Variants in RNF126 observed in about 807,000 individuals in gnomAD.
RNF126 encodes the protein E3 ubiquitin-protein ligase RNF126.
RNF126 carries 20 observed loss-of-function variants against 41.9 expected under a neutral mutation model. That is an observed-to-expected ratio of 0.48 (90% CI 0.34 to 0.69). The LOEUF is 0.69. Among genes scored for constraint, RNF126 ranks in the 30% least tolerant of loss-of-function variants. The pLI, the probability that RNF126 is intolerant of heterozygous loss-of-function variation, is 0.01. For missense variants in RNF126, 433 were observed against 460.6 expected (o/e 0.94, Z 0.55); for synonymous variants, 239 against 202.9 (o/e 1.18, Z -1.51).
intron 1 of RNF126, 100 bp from the exon 2 acceptor site, chr19:652,984 G>A (rs2030395370): frequency 8.7e-7 from 1 of 1,151,468 alleles, no homozygotes; most frequent in South Asian, 1.3e-5. Context: ...AGCGGTCTCT[G>A]GCTGGCCAGG....
intron 1 of RNF126, among the ~76,000 whole-genome samples, chr19:655,435 G>A (rs533931610): frequency 2.0e-4 from 31 of 151,644 alleles, no homozygotes; most frequent in Admixed American, 7.2e-4. Flanking sequence ...GCAGTGAGCC[G>A]AGATCGCGCC....
chr19:652,375 A>G (rs2144762339), intron 2 of RNF126, 79 bp from the exon 3 acceptor site: 2 of 1,243,214 alleles, frequency 1.6e-6, no homozygotes, highest in East Asian at 5.2e-5. Context: ...TCAAAAGCCT[A>G]TGTTGGGAGA....
intron 3 of RNF126, 78 bp downstream of exon 3, chr19:652,155 C>A (rs1003954079): frequency 5.0e-6 from 6 of 1,199,978 alleles, no homozygotes; most frequent in Non-Finnish European, 6.8e-6. Context: ...GCCGGGGAGG[C>A]GAGGTGGGGA....
intron 1 of RNF126, among the ~76,000 whole-genome samples, chr19:654,994 A>AAAAG (rs751688267): frequency 2.0e-4 from 30 of 150,558 alleles, no homozygotes; most frequent in East Asian, 1.4e-3. Flanking sequence ...CTTACAACTC[A>AAAAG]AAAGAAAGAA....
rs546506578 is a variant in RNF126, at chr19:659,652, C to T, written c.75+3395G>A. ...CTCAGCAGGCTCGAGTCTGGGTCTG[C>T]GCAGCCGCCTGTGGCCTGAGCTCCA... On this transcript the variant is annotated intron_variant, in intron 1 of 8. Coordinates refer to ENST00000292363, the MANE Select transcript of RNF126 (RefSeq NM_194460.3). This position sits in a 1 kb window ranked among gnomAD's most constrained non-coding sequence, Gnocchi z 4.9. Among the ~76,000 whole-genome samples the T allele has an allele frequency of 5.9e-5, 9 of 152,292 alleles. No individual in the cohort carries two copies. The South Asian group carries it at 8.3e-4, about 14-fold the overall frequency.
chr19:659,552 G>A lies in RNF126; in HGVS notation c.75+3495C>T, dbSNP rs1346379009. The stretch of plus-strand genomic sequence containing the variant: ...CACGCAGGGCCACCTCCCTGCGCCC[G>A]CCTGGTTCCTGGGGGCTCAGTGCCC... On this transcript the variant is annotated intron_variant, in intron 1 of 8. Coordinates refer to ENST00000292363, the MANE Select transcript of RNF126 (RefSeq NM_194460.3). This position sits in a 1 kb window ranked among gnomAD's most constrained non-coding sequence, Gnocchi z 4.9. Among the ~76,000 whole-genome samples, 1 of 152,138 alleles carries A rather than the reference G, an allele frequency of 6.6e-6. No individual in the cohort carries two copies. Among genetic ancestry groups the A allele is most frequent in the Non-Finnish European group, 1.5e-5 (1 of 68,016 alleles).
At chr19:661,740 T>C (rs1380564018) in intron 1 of RNF126, among the ~76,000 whole-genome samples, 2 of 152,118 alleles carry the variant, frequency 1.3e-5, no homozygotes, top group African/African-American at 4.8e-5. Context: ...GGCTTGGACT[T>C]CTCTTACGGG....
Position 650,217 on chromosome 19 carries a change from C to T in RNF126, c.506+17G>A, listed in dbSNP as rs984845486. ...GACCCAGGCTGGGGATGGGGACAGG[C>T]ACCCCCACCCACTCACCAGGGGCCC... On this transcript the variant is annotated intron_variant, in intron 5 of 8. Coordinates refer to ENST00000292363, the MANE Select transcript of RNF126 (RefSeq NM_194460.3). 1.5e-5 allele frequency: 23 copies of T among 1,563,284 alleles called. No individual in the cohort carries two copies. Among genetic ancestry groups the T allele is most frequent in the African/African-American group, 5.4e-5 (4 of 74,284 alleles).
chr19:658,494 G>A (rs905291067), intron 1 of RNF126, among the ~76,000 whole-genome samples: 1 of 151,936 alleles, frequency 6.6e-6, no homozygotes, highest in Non-Finnish European at 1.5e-5. Context: ...AGGAGCCCCC[G>A]TGCTGGCTAC....
At chr19:653,830 C>T (rs4919880) in intron 1 of RNF126, among the ~76,000 whole-genome samples, 23,609 of 152,272 alleles carry the variant, frequency 0.16, 2,217 homozygotes, top group East Asian at 0.46. Context: ...TGGCCTCACA[C>T]GGCACGTGTC....
rs149405763 is a variant in RNF126, at chr19:651,704, G to A, written c.350C>T (p.Pro117Leu). The A allele has an allele frequency of 1.7e-3, 2,675 of 1,606,196 alleles. 7 individuals are homozygous for A. Among genetic ancestry groups the A allele is most frequent in the Non-Finnish European group, 2.1e-3 (2,461 of 1,177,066 alleles). Residue 117 changes from proline (P) to leucine (L), a missense_variant, in exon 4 of 9, where the codon CCG becomes CTG. Around this residue, in one of 5 missense-constraint regions of RNF126, gnomAD observed 247 missense variants for 224.7 expected, o/e 1.10. Coordinates refer to ENST00000292363, the MANE Select transcript of RNF126 (RefSeq NM_194460.3). ...DPESRRERDH[P>L]SRHRYGARQP... is the part of the protein sequence containing the mutation. ...TCGGGCGCCGTACCGGTGCCGGGAC[G>A]GATGGTCTCTCTCCCGCCGGCTCTC...
intron 1 of RNF126, among the ~76,000 whole-genome samples, chr19:660,424 G>A (rs1030876860): frequency 1.9e-4 from 29 of 152,224 alleles, no homozygotes; most frequent in Non-Finnish European, 4.1e-4. Flanking sequence ...TCCCCCCTGC[G>A]TCAGAGGCAG....
At chr19:656,163 G>A (rs1187488823) in intron 1 of RNF126, among the ~76,000 whole-genome samples, 1 of 152,086 alleles carries the variant, frequency 6.6e-6, no homozygotes, top group African/African-American at 2.4e-5. Context: ...CGTTTCACCA[G>A]GTGAATTATA....
At chr19:658,697 C>T (rs952287126) in intron 1 of RNF126, among the ~76,000 whole-genome samples, 10 of 152,198 alleles carry the variant, frequency 6.6e-5, no homozygotes, top group African/African-American at 2.2e-4. Context: ...GCTGGATGGA[C>T]GAGGCGTGAG....
chr19:650,416 C>G, intron 4 of RNF126, 120 bp from the exon 5 acceptor site: 2 of 796,684 alleles, frequency 2.5e-6, no homozygotes, highest in Non-Finnish European at 4.0e-6. Context: ...AGATTAGCTT[C>G]TATTTATTTA....
In RNF126 at chr19:648,871, A is replaced by G. The variant is rs1207532060; in HGVS notation, c.670+11T>C. 2.6e-5 allele frequency: 37 copies of G among 1,431,406 alleles called. No individual in the cohort carries two copies. Among genetic ancestry groups the G allele is most frequent in the Non-Finnish European group, 3.3e-5 (36 of 1,082,174 alleles). The allele number at this position is 1,431,406 out of a possible 1,614,324, so 88.7% of individuals were successfully genotyped here. A position where few individuals can be genotyped will look rare whatever the true frequency, so the allele number is the denominator to read the frequency against. ...GTAATTCCCACTACTCGGGAGGCTG[A>G]GCTCTCATACCTACGTGCTCCTCAG... On this transcript the variant is annotated intron_variant, in intron 7 of 8. Transcript: ENST00000292363.
intron 1 of RNF126, among the ~76,000 whole-genome samples, chr19:654,815 A>G (rs1600637443): frequency 1.3e-5 from 2 of 151,516 alleles, no homozygotes; most frequent in East Asian, 3.9e-4. Context: ...AAAAATACAA[A>G]TGTTAGCCAG....
intron 1 of RNF126, 97 bp downstream of exon 1, chr19:662,950 G>T: frequency 2.1e-6 from 1 of 477,124 alleles, no homozygotes; most frequent in Non-Finnish European, 3.2e-6. Flanking sequence ...GTCAGCTCGC[G>T]CAAGAGGCGG....
intron 1 of RNF126, among the ~76,000 whole-genome samples, chr19:662,273 T>C (rs2030837680): frequency 6.6e-6 from 1 of 152,102 alleles, no homozygotes; most frequent in South Asian, 2.1e-4. Flanking sequence ...TCCCCCAAGG[T>C]GACATCAGGT....
Sources: gnomAD v4.1 joint callset for allele counts (sites outside exome capture counted in the v4.1 genomes callset) on GRCh38, gnomAD v4.1.1 for gene constraint, gnomAD v4.1.1 regional missense constraint, Gnocchi (gnomAD v3.1) non-coding constraint, MANE v1.5 for transcripts, NCBI Gene and HGNC (gene_info 2026-07-23, HGNC 2026-07-21) for gene names.